TAS2R1: variants seen among roughly 807,000 people sequenced by gnomAD.
The protein encoded by TAS2R1 is taste receptor type 2 member 1.
For missense variants in TAS2R1, 370 were observed against 353.4 expected (o/e 1.05, Z -0.38); for synonymous variants, 141 against 134.2 (o/e 1.05, Z -0.35).
chr5:9,744,675 G>A, the TAS2R1 span, among the ~76,000 whole-genome samples: 1 of 152,076 alleles, frequency 6.6e-6, no homozygotes, highest in African/African-American at 2.4e-5. Flanking sequence ...GCAAAACAAT[G>A]GCCCCCAAAG....
At chr5:9,817,155 G>A in the TAS2R1 span, among the ~76,000 whole-genome samples, 1 of 152,122 alleles carries the variant, frequency 6.6e-6, no homozygotes, top group Non-Finnish European at 1.5e-5. Context: ...CATGTCACAA[G>A]CCAAAGGAAC....
chr5:9,764,127 T>C, the TAS2R1 span, among the ~76,000 whole-genome samples: 1 of 152,242 alleles, frequency 6.6e-6, no homozygotes, highest in Non-Finnish European at 1.5e-5. Flanking sequence ...AGACAGACTA[T>C]TTGAAATTTA....
At chr5:9,652,222 C>T (rs950693716) in intron 2 of TAS2R1, among the ~76,000 whole-genome samples, 6 of 152,198 alleles carry the variant, frequency 3.9e-5, no homozygotes, top group African/African-American at 1.4e-4. Context: ...TCCAGAAAGA[C>T]GTTCACCAAA....
At chr5:9,663,552 G>A (rs755513885) in intron 1 of TAS2R1, among the ~76,000 whole-genome samples, 41 of 152,014 alleles carry the variant, frequency 2.7e-4, no homozygotes, top group African/African-American at 4.6e-4. Context: ...GGTTTATGTC[G>A]TTGTTGTTTA....
chr5:9,682,205 G>C lies in TAS2R1; in HGVS notation c.-241-22624C>G, dbSNP rs12109131. Reference sequence around the variant, plus strand: ...CTTGCCAAAATTTGTGAACAACTGAGAGACAGTCAAGGGTCAGAAAGATGA... The same window carrying C: ...CTTGCCAAAATTTGTGAACAACTGACAGACAGTCAAGGGTCAGAAAGATGA... On this transcript the variant is annotated intron_variant, in intron 1 of 2. Transcript: ENST00000506620. 4.6e-3 allele frequency among the ~76,000 whole-genome samples: 696 copies of C among 152,274 alleles called. 1 individual carries two copies. The highest frequency in any genetic ancestry group is 0.016 in the African/African-American group (678 of 41,544).
the TAS2R1 span, among the ~76,000 whole-genome samples, chr5:9,760,627 G>T: frequency 6.6e-6 from 1 of 152,128 alleles, no homozygotes; most frequent in African/African-American, 2.4e-5. Flanking sequence ...AAAACCATTT[G>T]ACAGGATCTA....
the TAS2R1 span, among the ~76,000 whole-genome samples, chr5:9,863,818 G>A: frequency 6.6e-6 from 1 of 152,196 alleles, no homozygotes; most frequent in Admixed American, 6.5e-5. Context: ...ACCCAAGGGT[G>A]AACACACCCC....
chr5:9,643,070 C>A (rs1442145440), intron 2 of TAS2R1, among the ~76,000 whole-genome samples: 1 of 152,010 alleles, frequency 6.6e-6, no homozygotes. Context: ...CCCTCCCATA[C>A]CCCAGCACAC....
At chr5:9,765,105 T>C in the TAS2R1 span, among the ~76,000 whole-genome samples, 50,504 of 151,998 alleles carry the variant, frequency 0.33, 9,519 homozygotes, top group Admixed American at 0.44. Context: ...AACCCTGGAA[T>C]TCAATAAATG....
chr5:9,671,126 T>A (rs901165248), intron 1 of TAS2R1, among the ~76,000 whole-genome samples: 2 of 152,182 alleles, frequency 1.3e-5, no homozygotes, highest in East Asian at 3.8e-4. Context: ...AAAGTAGGCA[T>A]TGAAGGAACA....
At chr5:9,779,646 G>T in the TAS2R1 span, among the ~76,000 whole-genome samples, 51 of 152,338 alleles carry the variant, frequency 3.3e-4, no homozygotes, top group Non-Finnish European at 6.0e-4. Flanking sequence ...TATGCATGCA[G>T]TTTGTGATGC....
intron 1 of TAS2R1, among the ~76,000 whole-genome samples, chr5:9,689,385 G>A (rs562864588): frequency 3.1e-4 from 47 of 152,234 alleles, no homozygotes; most frequent in African/African-American, 1.1e-3. Flanking sequence ...AAATGTCCAG[G>A]TTCCGCCCCA....
the TAS2R1 span, among the ~76,000 whole-genome samples, chr5:9,882,116 A>G: frequency 1.3e-5 from 2 of 152,224 alleles, no homozygotes; most frequent in African/African-American, 4.8e-5. Context: ...CCATCTGATA[A>G]AGGTCTAATG....
chr5:9,745,028 T>C, the TAS2R1 span, among the ~76,000 whole-genome samples: 2 of 152,300 alleles, frequency 1.3e-5, no homozygotes, highest in Non-Finnish European at 2.9e-5. Context: ...CACAATGACA[T>C]TTCTGCTTGA....
chr5:9,772,545 C>T, the TAS2R1 span, among the ~76,000 whole-genome samples: 2 of 151,404 alleles, frequency 1.3e-5, 1 homozygote, highest in South Asian at 4.2e-4. Flanking sequence ...AGATTAAGTC[C>T]AATGTTTCTT....
the TAS2R1 span, among the ~76,000 whole-genome samples, chr5:9,742,673 C>A: frequency 6.6e-6 from 1 of 152,178 alleles, no homozygotes; most frequent in African/African-American, 2.4e-5. Flanking sequence ...AATAGACAAT[C>A]TTAACTCAAT....
At chr5:9,636,000 T>G (rs1432693608) in intron 2 of TAS2R1, among the ~76,000 whole-genome samples, 2 of 152,108 alleles carry the variant, frequency 1.3e-5, no homozygotes, top group Non-Finnish European at 2.9e-5. Flanking sequence ...TTGTTCTTGT[T>G]TCTCTAGTTC....
chr5:9,874,650 C>T, the TAS2R1 span, among the ~76,000 whole-genome samples: 2 of 152,158 alleles, frequency 1.3e-5, no homozygotes, highest in Admixed American at 6.5e-5. Flanking sequence ...TTTAGTATGA[C>T]TCATGTTAGG....
At chr5:9,794,096 TA>T in the TAS2R1 span, among the ~76,000 whole-genome samples, 2 of 152,174 alleles carry the variant, frequency 1.3e-5, no homozygotes, top group African/African-American at 4.8e-5. Context: ...TAAAATCTTG[TA>T]ACCAGGATTT....
Sources: gnomAD v4.1 joint callset for allele counts (sites outside exome capture counted in the v4.1 genomes callset) on GRCh38, gnomAD v4.1.1 for gene constraint, MANE v1.5 for transcripts, NCBI Gene and HGNC (gene_info 2026-07-23, HGNC 2026-07-21) for gene names.